CPQ: variants seen among roughly 807,000 people sequenced by gnomAD.
CPQ encodes the protein Ser-Met dipeptidase.
CPQ carries 37 observed loss-of-function variants against 45.7 expected under a neutral mutation model. That is an observed-to-expected ratio of 0.81 (90% CI 0.62 to 1.07). CPQ has a LOEUF of 1.07. Among genes scored for constraint, CPQ ranks in the 50% least tolerant of loss-of-function variants. The probability of loss-of-function intolerance (pLI) is 0.00; values close to 1 mark genes in which losing one functional copy is unlikely to be tolerated. For synonymous variants in CPQ, 186 were observed against 205.8 expected (o/e 0.90, Z 0.82); for missense variants, 537 against 572.9 (o/e 0.94, Z 0.64).
At chr8:96,978,746 T>C (rs765504571) in intron 5 of CPQ, among the ~76,000 whole-genome samples, 4 of 152,202 alleles carry the variant, frequency 2.6e-5, no homozygotes, top group Non-Finnish European at 5.9e-5. Context: ...TAGAAAATCT[T>C]ACTAATGGTA....
chr8:96,739,436 CT>C (rs1325725389), intron 1 of CPQ, among the ~76,000 whole-genome samples: 1 of 85,730 alleles, frequency 1.2e-5, no homozygotes, highest in Non-Finnish European at 2.3e-5. Flanking sequence ...ATGGTAGTTT[CT>C]TTTGCTGTGC....
At chr8:97,035,822 C>A (rs1809993071) in intron 6 of CPQ, among the ~76,000 whole-genome samples, 1 of 152,134 alleles carries the variant, frequency 6.6e-6, no homozygotes, top group South Asian at 2.1e-4. Flanking sequence ...ATTCTCCTGC[C>A]TTAGCCTCCT....
intron 1 of CPQ, among the ~76,000 whole-genome samples, chr8:96,650,936 A>C (rs1309434585): frequency 1.3e-5 from 2 of 152,084 alleles, no homozygotes; most frequent in East Asian, 3.8e-4. Flanking sequence ...ACAATCAGTC[A>C]CTCCTTGATA....
chr8:96,656,343 G>C (rs1002874903), intron 1 of CPQ, among the ~76,000 whole-genome samples: 1 of 152,104 alleles, frequency 6.6e-6, no homozygotes, highest in Non-Finnish European at 1.5e-5. Context: ...CCCATGCTTC[G>C]GGGAGACCAC....
Position 96,946,623 on chromosome 8 carries a change from A to G in CPQ, c.850-19312A>G, listed in dbSNP as rs74380181. On this transcript the variant is annotated intron_variant, in intron 4 of 7. Transcript: ENST00000220763. ...CCACAACAGTCCCCATAATTTTCTA[A>G]ATTAACATGCCCCTCCATAATTCTG... Among the ~76,000 whole-genome samples, 4 of 128,038 alleles carry G rather than the reference A, an allele frequency of 3.1e-5. No individual in the cohort carries two copies. In the East Asian group the frequency reaches 1.1e-3, roughly 34 times the overall value. 84.0% of individuals were successfully genotyped at this position (128,038 alleles called of 152,430 possible). A position where few individuals can be genotyped will look rare whatever the true frequency, so the allele number is the denominator to read the frequency against.
rs34933920 is a variant in CPQ at position 97,124,225 on chromosome 8, CAAAAAAAA to C, written c.1256-18776_1256-18769del. ...TGGGCGACAGAGCAAGACTCCGTCTCAAAAAAAAAAAAAAAAAAAAAAAAAAGTAAATT... is the reference window on the plus strand; with the variant it reads ...TGGGCGACAGAGCAAGACTCCGTCTCAAAAAAAAAAAAAAAAAAGTAAATT... On this transcript the variant is annotated intron_variant, in intron 7 of 7. Transcript: ENST00000220763. 1.1e-3 allele frequency among the ~76,000 whole-genome samples: 45 copies of C among 42,586 alleles called. No homozygotes were observed. In the East Asian group the frequency reaches 0.015, roughly 14 times the overall value. The allele number at this position is 42,586 out of a possible 152,430, so 27.9% of individuals were successfully genotyped here.
chr8:96,942,165 C>T (rs1813130930), intron 4 of CPQ, among the ~76,000 whole-genome samples: 1 of 152,130 alleles, frequency 6.6e-6, no homozygotes, highest in South Asian at 2.1e-4. Context: ...ATAGCATTGC[C>T]CTTCCAAAGA....
chr8:96,995,593 A>G (rs887159905), intron 5 of CPQ, among the ~76,000 whole-genome samples: 41 of 149,682 alleles, frequency 2.7e-4, no homozygotes, highest in Non-Finnish European at 4.6e-4. Flanking sequence ...AAGGTCTGAT[A>G]GCAGCTGAAT....
chr8:96,708,817 A>G (rs969091585), intron 1 of CPQ, among the ~76,000 whole-genome samples: 28 of 152,138 alleles, frequency 1.8e-4, no homozygotes, highest in South Asian at 2.1e-4. Flanking sequence ...ACGTATCTCA[A>G]TAAATGGAAT....
chr8:96,808,437 ACCTCT>A (rs1265306630), intron 2 of CPQ, among the ~76,000 whole-genome samples: 1 of 151,686 alleles, frequency 6.6e-6, no homozygotes, highest in African/African-American at 2.4e-5. Flanking sequence ...TGGCTTACAG[ACCTCT>A]CCTCTCAAAG....
chr8:96,841,912 TA>T (rs1187253738), intron 3 of CPQ, among the ~76,000 whole-genome samples: 1 of 152,196 alleles, frequency 6.6e-6, no homozygotes, highest in Non-Finnish European at 1.5e-5. Context: ...ACTTAATTAA[TA>T]CAGAGTTGAT....
At chr8:97,037,743 T>G (rs919859973) in intron 6 of CPQ, among the ~76,000 whole-genome samples, 5 of 152,222 alleles carry the variant, frequency 3.3e-5, no homozygotes, top group African/African-American at 1.2e-4. Flanking sequence ...TGCTTTCTCC[T>G]GTGTAGAATT....
intron 3 of CPQ, among the ~76,000 whole-genome samples, chr8:96,866,607 G>A (rs1316546521): frequency 6.6e-6 from 1 of 151,954 alleles, no homozygotes; most frequent in Admixed American, 6.6e-5. Flanking sequence ...AGAATTAATA[G>A]TTTCCCTTTG....
chr8:96,790,490 G>A (rs1810832219), intron 2 of CPQ, among the ~76,000 whole-genome samples: 1 of 152,158 alleles, frequency 6.6e-6, no homozygotes, highest in South Asian at 2.1e-4. Context: ...TCTTGGCATT[G>A]CTTGACTAGA....
Position 97,046,510 on chromosome 8 carries a change from T to C in CPQ, c.1053+17016T>C, listed in dbSNP as rs561975347. 2.9e-4 allele frequency among the ~76,000 whole-genome samples: 44 copies of C among 152,340 alleles called. No individual in the cohort carries two copies. In the South Asian group the frequency reaches 8.7e-3, roughly 30 times the overall value. On this transcript the variant is annotated intron_variant, in intron 6 of 7. Coordinates refer to ENST00000220763, the MANE Select transcript of CPQ (RefSeq NM_016134.4). ...AAATTTAGGGAGCTTAACAAGGCCT[T>C]TCAACAAAGGTTTAAAGTGGTTTCA...
At chr8:97,090,392 T>A (rs1479799342) in intron 7 of CPQ, among the ~76,000 whole-genome samples, 1 of 152,206 alleles carries the variant, frequency 6.6e-6, no homozygotes, top group African/African-American at 2.4e-5. Flanking sequence ...AAATACCAAT[T>A]GAAAACCTAG....
intron 5 of CPQ, among the ~76,000 whole-genome samples, chr8:97,026,577 G>C (rs1809802318): frequency 6.6e-6 from 1 of 152,186 alleles, no homozygotes; most frequent in Admixed American, 6.5e-5. Context: ...AAGAGACTTT[G>C]GATTCAACAT....
intron 1 of CPQ, among the ~76,000 whole-genome samples, chr8:96,780,131 G>A (rs1018351583): frequency 3.9e-5 from 6 of 152,114 alleles, no homozygotes; most frequent in Non-Finnish European, 8.8e-5. Context: ...ACAATTGAAG[G>A]TGCAGTGGTG....
intron 1 of CPQ, among the ~76,000 whole-genome samples, chr8:96,664,723 T>C (rs1808897636): frequency 6.6e-6 from 1 of 152,212 alleles, no homozygotes; most frequent in South Asian, 2.1e-4. Flanking sequence ...GTTGAAATCA[T>C]TAACCACCAA....
Sources: gnomAD v4.1 joint callset for allele counts (sites outside exome capture counted in the v4.1 genomes callset) on GRCh38, gnomAD v4.1.1 for gene constraint, MANE v1.5 for transcripts, NCBI Gene and HGNC (gene_info 2026-07-23, HGNC 2026-07-21) for gene names.